The following CCDC187 variants were observed in gnomAD, a reference collection of about 807,000 sequenced individuals.
CCDC187 encodes the protein coiled-coil domain containing 187.
Under a neutral mutation model 38.0 loss-of-function variants are expected in CCDC187, and 32 were observed. That is an observed-to-expected ratio of 0.84 (90% CI 0.64 to 1.13). The LOEUF (loss-of-function observed/expected upper bound fraction) is 1.13, where lower values mean the gene tolerates loss of function less well. CCDC187 is among the 50% of genes most tolerant of loss of function. The pLI is 0.00. For missense variants in CCDC187, 707 were observed against 786.8 expected (o/e 0.90, Z 1.21); for synonymous variants, 333 against 347.9 (o/e 0.96, Z 0.48).
intron 7 of CCDC187, among the ~76,000 whole-genome samples, chr9:136,287,199 G>A (rs1026602445): frequency 2.6e-5 from 4 of 151,942 alleles, no homozygotes; most frequent in Admixed American, 2.0e-4. Context: ...AGGACATTCC[G>A]ACGCAGGCTA....
chr9:136,286,773 A>G, intron 7 of CCDC187, 78 bp from the exon 8 acceptor site: 4 of 398,146 alleles, frequency 1.0e-5, no homozygotes, highest in Non-Finnish European at 1.3e-5. Flanking sequence ...CGTGTTTTGC[A>G]GGTGTGAGCG....
intron 2 of CCDC187, among the ~76,000 whole-genome samples, chr9:136,300,660 T>A (rs1373307242): frequency 6.6e-6 from 1 of 151,510 alleles, no homozygotes; most frequent in Non-Finnish European, 1.5e-5. Flanking sequence ...TGCCATGGTG[T>A]GATCTCAGCT....
upstream of CCDC187, among the ~76,000 whole-genome samples, chr9:136,306,157 G>T (rs1831801551): frequency 6.6e-6 from 1 of 152,146 alleles, no homozygotes; most frequent in African/African-American, 2.4e-5. Context: ...GAGTCAAGGG[G>T]TATCCCCTGG....
chr9:136,266,748 C>G (rs1830753858), intron 16 of CCDC187: 1 of 152,352 alleles, frequency 6.6e-6, no homozygotes, highest in East Asian at 1.9e-4. Flanking sequence ...CACGTACTGC[C>G]CATTTGCAAG....
intron 14 of CCDC187, among the ~76,000 whole-genome samples, chr9:136,272,428 C>T (rs544350775): frequency 7.2e-5 from 11 of 152,038 alleles, no homozygotes; most frequent in African/African-American, 1.9e-4. Context: ...AATGGCCGGG[C>T]GTGGTGGCTC....
In CCDC187 at chr9:136,290,022, G is replaced by A; in HGVS notation, c.2159C>T (p.Pro720Leu). Residue 720 changes from proline (P) to leucine (L), a missense_variant, in exon 7 of 26, where the codon CCA (proline) becomes CTA (leucine). Physicochemically the swap from Pro to Leu is moderately conservative, Grantham distance 98. Coordinates refer to ENST00000638797, the MANE Select transcript of CCDC187 (RefSeq NM_001378188.1). ...GGTCACTTTGCTCCATTCCAGCACT[G>A]GGGACTCCAGGCTCCCGGAGGCTTC... ...GLEASGSLES[P>L]VLEWSKVTSG... is the part of the protein sequence containing the mutation. 2.5e-6 allele frequency: 1 copy of A among 398,636 alleles called. No individual in the cohort carries two copies. The highest frequency in any genetic ancestry group is 4.4e-6 in the Non-Finnish European group (1 of 226,126). 24.7% of individuals were successfully genotyped at this position (398,636 alleles called of 1,614,324 possible).
chr9:136,281,925 G>A (rs1167495086), intron 9 of CCDC187, among the ~76,000 whole-genome samples: 7 of 152,298 alleles, frequency 4.6e-5, no homozygotes, highest in South Asian at 2.1e-4. Context: ...GCGTCCCAGC[G>A]TGGTGGCGTG....
At chr9:136,281,270 G>A (rs1726768280) in intron 10 of CCDC187, 1 of 397,504 alleles carries the variant, frequency 2.5e-6, no homozygotes, top group African/African-American at 2.1e-5. Flanking sequence ...CCTAGGAGGT[G>A]GGCTGGGCAC....
At chr9:136,267,572 G>C (rs1554761873) in intron 15 of CCDC187, 61 bp from the exon 16 acceptor site, 1 of 985,442 alleles carries the variant, frequency 1.0e-6, no homozygotes, top group Admixed American at 6.1e-5. Flanking sequence ...CGGGCCTCGC[G>C]GGGCTCCAGT....
rs1332404378 is a variant in CCDC187 at position 136,263,693 on chromosome 9, T to C, written c.3841A>G (p.Ile1281Val). 8.1e-6 allele frequency: 8 copies of C among 985,280 alleles called. No individual in the cohort carries two copies. Among genetic ancestry groups the C allele is most frequent in the African/African-American group, 3.5e-5 (2 of 57,228 alleles). 61.0% of individuals were successfully genotyped at this position (985,280 alleles called of 1,614,324 possible). A position where few individuals can be genotyped will look rare whatever the true frequency, so the allele number is the denominator to read the frequency against. Residue 1281 changes from isoleucine (I) to valine (V), a missense_variant, in exon 18 of 26, where the codon ATC (isoleucine) becomes GTC (valine). Physicochemically the swap from Ile to Val is conservative, Grantham distance 29. Transcript: ENST00000638797. ...TCCGTGGGCCCCGGGATGGGGAGGA[T>C]GTCCACAGGCCCCGGCATGGAGACG... Reference protein sequence around the residue: ...DVVSMPGPVDILPIPGPTDVV... With the variant: ...DVVSMPGPVDVLPIPGPTDVV...
chr9:136,267,853 G>T (rs1330724037), intron 15 of CCDC187, 196 bp downstream of exon 15: 2 of 985,252 alleles, frequency 2.0e-6, no homozygotes, highest in Non-Finnish European at 2.4e-6. Flanking sequence ...GCCCCCCTCT[G>T]TCACCCAGGG....
chr9:136,281,978 G>C (rs952138530), intron 9 of CCDC187, among the ~76,000 whole-genome samples: 1 of 152,160 alleles, frequency 6.6e-6, no homozygotes, highest in Non-Finnish European at 1.5e-5. Flanking sequence ...AAGCGTTGGC[G>C]CCAAGCCTGG....
In CCDC187 at chr9:136,250,630, T is replaced by C; in HGVS notation, c.*2964A>G. ...AAGCTGTAGCTCAGCTCAAAGTTTG[T>C]TCTGAAATTGGGAGCATGGAGCAGG... On this transcript the variant is annotated 3_prime_UTR_variant, in exon 26 of 26. Transcript: ENST00000638797. The C allele has an allele frequency of 2.5e-6, 1 of 406,244 alleles. No homozygotes were observed. Among genetic ancestry groups the C allele is most frequent in the Non-Finnish European group, 5.1e-6 (1 of 197,978 alleles). 25.2% of individuals were successfully genotyped at this position (406,244 alleles called of 1,614,324 possible).
intron 14 of CCDC187, among the ~76,000 whole-genome samples, chr9:136,270,623 C>T (rs890104790): frequency 1.1e-4 from 16 of 152,172 alleles, no homozygotes; most frequent in Non-Finnish European, 2.2e-4. Context: ...TTTAGGCCTC[C>T]GGATGACTGG....
intron 1 of CCDC187, 70 bp from the exon 2 acceptor site, chr9:136,303,363 T>C (rs1831737348): frequency 2.5e-6 from 1 of 392,430 alleles, no homozygotes; most frequent in Non-Finnish European, 4.5e-6. Flanking sequence ...CCGCTCAGAC[T>C]GGCCCCACCT....
At chr9:136,295,366 G>A (rs1831510572) in intron 4 of CCDC187, among the ~76,000 whole-genome samples, 1 of 152,164 alleles carries the variant, frequency 6.6e-6, no homozygotes, top group East Asian at 1.9e-4. Flanking sequence ...GGGTCCTGAT[G>A]GGCACATTTT....
At chr9:136,294,081 CAT>C (rs1418338442) in intron 4 of CCDC187, among the ~76,000 whole-genome samples, 60 of 151,010 alleles carry the variant, frequency 4.0e-4, no homozygotes, top group African/African-American at 1.3e-3. Context: ...CTCACACGCT[CAT>C]ATACACACGC....
At chr9:136,293,342 CTCACAT>C (rs1588671173) in intron 4 of CCDC187, among the ~76,000 whole-genome samples, 2 of 147,864 alleles carry the variant, frequency 1.4e-5, no homozygotes, top group African/African-American at 5.1e-5. Flanking sequence ...CACACTCACA[CTCACAT>C]GCTCACACAC....
chr9:136,293,520 C>A (rs1831433104), intron 4 of CCDC187, among the ~76,000 whole-genome samples: 1 of 82,778 alleles, frequency 1.2e-5, no homozygotes, highest in Non-Finnish European at 2.6e-5. Flanking sequence ...CACACATGCT[C>A]ACATACACGC....
Sources: gnomAD v4.1 joint callset for allele counts (sites outside exome capture counted in the v4.1 genomes callset) on GRCh38, gnomAD v4.1.1 for gene constraint, MANE v1.5 for transcripts, NCBI Gene and HGNC (gene_info 2026-07-23, HGNC 2026-07-21) for gene names.